Variants in FSIP1 observed in about 807,000 individuals in gnomAD.
FSIP1 encodes fibrous sheath-interacting protein 1.
FSIP1 carries 65 observed loss-of-function variants against 60.9 expected under a neutral mutation model. The observed-to-expected ratio is 1.07, with a 90% CI of 0.87 to 1.31. The LOEUF (loss-of-function observed/expected upper bound fraction) is 1.31, where lower values mean the gene tolerates loss of function less well. FSIP1 is among the 40% of genes most tolerant of loss of function. The pLI, the probability that FSIP1 is intolerant of heterozygous loss-of-function variation, is 0.00. For missense variants in FSIP1, 675 were observed against 665.5 expected, an observed-to-expected ratio of 1.01 and a Z score of -0.16; for synonymous variants, 209 against 221.2, an observed-to-expected ratio of 0.94 and a Z score of 0.49.
chr15:39,616,908 G>A (rs1010881265), intron 11 of FSIP1, among the ~76,000 whole-genome samples: 4 of 152,062 alleles, frequency 2.6e-5, no homozygotes, highest in South Asian at 2.1e-4. Context: ...GAGAGACACC[G>A]CAGGAATAGA....
intron 10 of FSIP1, among the ~76,000 whole-genome samples, chr15:39,660,106 G>T (rs140296683): frequency 6.6e-6 from 1 of 152,180 alleles, no homozygotes; most frequent in Admixed American, 6.5e-5. Context: ...ATTGAGAGAG[G>T]AAAGAGAGAA....
At chr15:39,737,012 ACAGAC>A (rs1896634505) in intron 8 of FSIP1, among the ~76,000 whole-genome samples, 1 of 152,158 alleles carries the variant, frequency 6.6e-6, no homozygotes, top group African/African-American at 2.4e-5. Context: ...GCGTGGATGC[ACAGAC>A]CAGTTTCAGG....
At chr15:39,738,032 A>G in intron 8 of FSIP1, 59 bp downstream of exon 8, 1 of 965,904 alleles carries the variant, frequency 1.0e-6, no homozygotes, top group Non-Finnish European at 1.6e-6. Flanking sequence ...TGGGCCAATA[A>G]TATTATTTTT....
chr15:39,738,404 A>C (rs973005567), intron 7 of FSIP1, among the ~76,000 whole-genome samples: 2 of 152,194 alleles, frequency 1.3e-5, no homozygotes, highest in African/African-American at 4.8e-5. Context: ...TATTATCCCT[A>C]TAAGCAGGCC....
chr15:39,696,221 A>T (rs1291104737), intron 10 of FSIP1, among the ~76,000 whole-genome samples: 5 of 152,232 alleles, frequency 3.3e-5, no homozygotes, highest in African/African-American at 1.2e-4. Context: ...CTTTAGAGGT[A>T]GTAAAATCTG....
At chr15:39,635,344 A>AG (rs1292060444) in intron 10 of FSIP1, among the ~76,000 whole-genome samples, 1 of 152,164 alleles carries the variant, frequency 6.6e-6, no homozygotes, top group Non-Finnish European at 1.5e-5. Context: ...AAAAAAAAAA[A>AG]AAATCCATTT....
intron 10 of FSIP1, among the ~76,000 whole-genome samples, chr15:39,654,281 C>CA (rs1892987119): frequency 6.6e-6 from 1 of 152,106 alleles, no homozygotes; most frequent in African/African-American, 2.4e-5. Flanking sequence ...TTGTATGTGC[C>CA]ATACTTTTAT....
intron 8 of FSIP1, among the ~76,000 whole-genome samples, chr15:39,736,917 G>A (rs1191696298): frequency 6.6e-6 from 1 of 152,132 alleles, no homozygotes; most frequent in Non-Finnish European, 1.5e-5. Flanking sequence ...GCCTAGGGTG[G>A]GGAGGGAGTG....
intron 7 of FSIP1, 31 bp from the exon 8 acceptor site, chr15:39,738,232 T>C (rs1156730274): frequency 8.5e-6 from 12 of 1,419,238 alleles, no homozygotes; most frequent in Admixed American, 1.8e-5. Context: ...AAATATCATA[T>C]ACTCAAGGAA....
rs73391256 is a variant in FSIP1 at position 39,600,845 on chromosome 15, C to A, written c.*35G>T. ...AAGAAATTTAATTTAACTTCATTACCAACTTTCTGAAAAGCACACCCAGCA... is the reference window on the plus strand; with the variant it reads ...AAGAAATTTAATTTAACTTCATTACAAACTTTCTGAAAAGCACACCCAGCA... On this transcript the variant is annotated 3_prime_UTR_variant, in exon 12 of 12. Coordinates refer to ENST00000350221, the MANE Select transcript of FSIP1 (RefSeq NM_152597.5). 16,183 of 1,556,788 alleles carry A rather than the reference C, an allele frequency of 0.01. 1,471 individuals carry two copies. In the African/African-American group the frequency reaches 0.2, roughly 19 times the overall value.
chr15:39,611,002 C>T (rs368335476), intron 11 of FSIP1, among the ~76,000 whole-genome samples: 1 of 152,130 alleles, frequency 6.6e-6, no homozygotes, highest in East Asian at 1.9e-4. Context: ...ATAAAAGGCT[C>T]CTAATTGATA....
chr15:39,701,466 A>C (rs1895056499), intron 10 of FSIP1, among the ~76,000 whole-genome samples: 1 of 152,196 alleles, frequency 6.6e-6, no homozygotes, highest in Non-Finnish European at 1.5e-5. Context: ...CTTTTCTCTG[A>C]CTGGTTTGAA....
In FSIP1 at chr15:39,602,357, G is replaced by A. The variant is rs542869239; in HGVS notation, c.1700-1431C>T. ...TAGCGTTCTCTCCTAGGGCCTCCAG[G>A]TGGCGTGTGGCCTTGGTGACACCTT... is the stretch of plus-strand genomic sequence containing the variant. On this transcript the variant is annotated intron_variant, in intron 11 of 11. Transcript: ENST00000350221. The A allele has an allele frequency of 7.7e-4, 352 of 456,252 alleles. 2 individuals are homozygous for A. Among genetic ancestry groups the A allele is most frequent in the South Asian group, 4.9e-3 (318 of 64,534 alleles). 28.3% of individuals were successfully genotyped at this position (456,252 alleles called of 1,614,324 possible). A position where few individuals can be genotyped will look rare whatever the true frequency, so the allele number is the denominator to read the frequency against.
At chr15:39,749,275 A>AAAAAAAAAAAAAAAAC (rs1566912727) in intron 5 of FSIP1, among the ~76,000 whole-genome samples, 12 of 150,966 alleles carry the variant, frequency 7.9e-5, no homozygotes, top group African/African-American at 2.4e-4. Flanking sequence ...AAAAAAAAAA[A>AAAAAAAAAAAAAAAAC]ACCAGGCTAG....
chr15:39,623,220 C>G (rs1274665714), intron 10 of FSIP1, among the ~76,000 whole-genome samples: 1 of 152,162 alleles, frequency 6.6e-6, no homozygotes, highest in African/African-American at 2.4e-5. Flanking sequence ...GTTTCTCCAG[C>G]CATAAAAATC....
In FSIP1 at chr15:39,713,561, T is replaced by G. The variant is rs1189130900; in HGVS notation, c.1071A>C (p.Glu357Asp). 3.1e-6 allele frequency: 5 copies of G among 1,598,078 alleles called. No individual in the cohort carries two copies. In the East Asian group the frequency reaches 1.1e-4, roughly 36 times the overall value. Reference protein sequence around the residue: ...RNNQKPDRDGERNMEVTPGEK... With the variant: ...RNNQKPDRDGDRNMEVTPGEK... ...CTCCTGGAGTTACTTCCATATTTCT[T>G]TCACCATCACGGTCAGGTTTCTAAT... The change falls in exon 10 of 12, where the codon GAA (glutamate) becomes GAC (aspartate). Residue 357 changes from glutamate to aspartate, a missense_variant. Coordinates refer to ENST00000350221, the MANE Select transcript of FSIP1 (RefSeq NM_152597.5).
At chr15:39,621,757 A>G (rs1256087582) in intron 10 of FSIP1, among the ~76,000 whole-genome samples, 1 of 152,214 alleles carries the variant, frequency 6.6e-6, no homozygotes, top group Non-Finnish European at 1.5e-5. Context: ...ATAACTAAAA[A>G]TTCTCTGGCC....
In FSIP1 at chr15:39,600,773, T is replaced by C. The variant is rs1037268278; in HGVS notation, c.*107A>G. The C allele has an allele frequency of 3.9e-6, 3 of 772,910 alleles. No individual in the cohort carries two copies. In the African/African-American group the frequency reaches 5.5e-5, roughly 14 times the overall value. 47.9% of individuals were successfully genotyped at this position (772,910 alleles called of 1,614,324 possible). ...GAGCGACTCCAAATGTCAAAATCAA[T>C]AAAGAATAGTCTCTGCAGTGCATTC... On this transcript the variant is annotated 3_prime_UTR_variant, in exon 12 of 12. Coordinates refer to ENST00000350221, the MANE Select transcript of FSIP1 (RefSeq NM_152597.5).
chr15:39,739,571 T>C (rs1896734688), intron 7 of FSIP1, 94 bp downstream of exon 7: 1 of 1,169,576 alleles, frequency 8.6e-7, no homozygotes, highest in South Asian at 1.4e-5. Flanking sequence ...TTTATGATGG[T>C]TGAAAAATAT....
Sources: allele counts gnomAD v4.1 joint callset (sites outside exome capture counted in the v4.1 genomes callset), GRCh38; gene constraint gnomAD v4.1.1; transcripts MANE v1.5; gene names NCBI Gene and HGNC (gene_info 2026-07-23, HGNC 2026-07-21).